The following DOK6 variants were observed in gnomAD, a reference collection of about 807,000 sequenced individuals.
DOK6 encodes docking protein 6.
DOK6 carries 22 observed loss-of-function variants against 44.0 expected under a neutral mutation model. The ratio of observed to expected loss-of-function variants is 0.50; its 90% CI spans 0.36 to 0.71. The LOEUF is 0.71. Among genes scored for constraint, DOK6 ranks in the 30% least tolerant of loss-of-function variants. The pLI is 0.00. For missense variants in DOK6, 340 were observed against 416.4 expected, an observed-to-expected ratio of 0.82 and a Z score of 1.60; for synonymous variants, 166 against 145.5, an observed-to-expected ratio of 1.14 and a Z score of -1.01.
At chr18:69,463,614 G>C (rs1979845691) in intron 1 of DOK6, among the ~76,000 whole-genome samples, 1 of 150,762 alleles carries the variant, frequency 6.6e-6, no homozygotes, top group Non-Finnish European at 1.5e-5. Flanking sequence ...AGTTCTATTG[G>C]CTACAAGACT....
rs1163316483 is a variant in DOK6, at chr18:69,429,246, T to G, written c.66+27936T>G. 2.6e-5 allele frequency among the ~76,000 whole-genome samples: 4 copies of G among 152,126 alleles called. No homozygotes were observed. The East Asian group carries it at 7.7e-4, about 29-fold the overall frequency. On this transcript the variant is annotated intron_variant, in intron 1 of 7. Transcript: ENST00000382713. ...GCATATAAGGAAATTATAAGAGAATTTTAGTAGCATGGACATATTCCTGTG... is the reference window on the plus strand; with the variant it reads ...GCATATAAGGAAATTATAAGAGAATGTTAGTAGCATGGACATATTCCTGTG...
intron 1 of DOK6, among the ~76,000 whole-genome samples, chr18:69,515,786 A>G (rs1281820687): frequency 6.6e-6 from 1 of 152,208 alleles, no homozygotes; most frequent in Non-Finnish European, 1.5e-5. Context: ...TGTAACACTA[A>G]CTTCATAGAA....
intron 5 of DOK6, chr18:69,705,055 C>A (rs541509927): frequency 6.6e-6 from 1 of 152,210 alleles, no homozygotes; most frequent in Non-Finnish European, 1.5e-5. Context: ...GAAGAACGTG[C>A]CAATCCTCTA....
At chr18:69,612,969 C>A (rs947451117) in intron 3 of DOK6, among the ~76,000 whole-genome samples, 1 of 151,806 alleles carries the variant, frequency 6.6e-6, no homozygotes, top group African/African-American at 2.4e-5. Flanking sequence ...GCAGCCTCCA[C>A]CTCCCTGGCT....
intron 1 of DOK6, among the ~76,000 whole-genome samples, chr18:69,546,676 G>C (rs1217134828): frequency 6.6e-6 from 1 of 151,260 alleles, no homozygotes; most frequent in Non-Finnish European, 1.5e-5. Flanking sequence ...CTTTTTTATT[G>C]GTACATAATA....
chr18:69,497,267 C>T (rs1372777), intron 1 of DOK6, among the ~76,000 whole-genome samples: 4 of 151,954 alleles, frequency 2.6e-5, no homozygotes, highest in South Asian at 2.1e-4. Context: ...CAAAGTCATT[C>T]GAACAGCAGT....
chr18:69,554,400 A>T (rs748730878), intron 1 of DOK6, among the ~76,000 whole-genome samples: 1 of 152,172 alleles, frequency 6.6e-6, no homozygotes, highest in Non-Finnish European at 1.5e-5. Flanking sequence ...AGTTTTGGCA[A>T]TTTGAGGAAT....
At chr18:69,729,101 C>T (rs1978330089) in intron 5 of DOK6, among the ~76,000 whole-genome samples, 1 of 152,082 alleles carries the variant, frequency 6.6e-6, no homozygotes, top group Non-Finnish European at 1.5e-5. Context: ...AAATAATATG[C>T]ATATCATATG....
intron 5 of DOK6, among the ~76,000 whole-genome samples, chr18:69,722,781 A>T (rs1397591521): frequency 6.6e-6 from 1 of 152,198 alleles, no homozygotes; most frequent in African/African-American, 2.4e-5. Context: ...TTAAAATATT[A>T]ACAAATAATC....
chr18:69,631,701 G>A (rs183492371), intron 3 of DOK6, among the ~76,000 whole-genome samples: 29 of 152,270 alleles, frequency 1.9e-4, no homozygotes, highest in East Asian at 9.6e-4. Context: ...GTTTGATACC[G>A]TGAATACATG....
intron 3 of DOK6, among the ~76,000 whole-genome samples, chr18:69,644,629 G>T (rs369910885): frequency 6.6e-6 from 1 of 151,654 alleles, no homozygotes; most frequent in Non-Finnish European, 1.5e-5. Flanking sequence ...GTGCCCTGCC[G>T]AGACCACACC....
At chr18:69,608,258 A>G (rs1009521884) in intron 3 of DOK6, among the ~76,000 whole-genome samples, 4 of 152,212 alleles carry the variant, frequency 2.6e-5, no homozygotes, top group Admixed American at 6.5e-5. Flanking sequence ...CTATTTGTTG[A>G]ATAGCTTATT....
At chr18:69,582,676 T>A (rs1599204777) in intron 2 of DOK6, among the ~76,000 whole-genome samples, 1 of 152,244 alleles carries the variant, frequency 6.6e-6, no homozygotes, top group East Asian at 1.9e-4. Flanking sequence ...CCCATTCATC[T>A]TTCCATCTCT....
chr18:69,680,436 T>C (rs1246672763), intron 4 of DOK6, among the ~76,000 whole-genome samples: 1 of 152,258 alleles, frequency 6.6e-6, no homozygotes, highest in Non-Finnish European at 1.5e-5. Context: ...TCCATAACTT[T>C]TGATGATATC....
intron 2 of DOK6, among the ~76,000 whole-genome samples, chr18:69,593,812 T>G (rs1349195524): frequency 1.3e-5 from 2 of 152,218 alleles, no homozygotes; most frequent in Non-Finnish European, 2.9e-5. Flanking sequence ...GATTTATAAA[T>G]GTTTTTATTA....
chr18:69,566,144 T>C lies in DOK6; in HGVS notation c.174+1550T>C, dbSNP rs112425489. 3.8e-3 allele frequency among the ~76,000 whole-genome samples: 543 copies of C among 144,726 alleles called. 2 individuals carry two copies. The highest frequency in any genetic ancestry group is 0.012 in the African/African-American group (475 of 40,044). The allele number at this position is 144,726 out of a possible 152,430, so 94.9% of individuals were successfully genotyped here. On this transcript the variant is annotated intron_variant, in intron 2 of 7. Coordinates refer to ENST00000382713, the MANE Select transcript of DOK6 (RefSeq NM_152721.6). Reference sequence around the variant, plus strand: ...ATTTATTTATTTATTTATTTATTTATTTACTTATTTATAGACGGAGTCTGG... The same window carrying C: ...ATTTATTTATTTATTTATTTATTTACTTACTTATTTATAGACGGAGTCTGG...
chr18:69,812,719 A>G (rs924815932), intron 7 of DOK6, among the ~76,000 whole-genome samples: 2 of 152,190 alleles, frequency 1.3e-5, no homozygotes, highest in African/African-American at 4.8e-5. Context: ...TAATTGACCC[A>G]CAGTTCTGCA....
At chr18:69,413,169 TTC>T (rs1433804907) in intron 1 of DOK6, among the ~76,000 whole-genome samples, 2 of 152,140 alleles carry the variant, frequency 1.3e-5, no homozygotes, top group African/African-American at 4.8e-5. Context: ...AAGTGTCAGC[TTC>T]TGTTGCTTGC....
At chr18:69,483,365 T>C (rs556817762) in intron 1 of DOK6, among the ~76,000 whole-genome samples, 1 of 151,974 alleles carries the variant, frequency 6.6e-6, no homozygotes, top group Non-Finnish European at 1.5e-5. Flanking sequence ...AGGAATGAAC[T>C]CTCATTCACA....
Sources: gnomAD v4.1 joint callset for allele counts (sites outside exome capture counted in the v4.1 genomes callset) on GRCh38, gnomAD v4.1.1 for gene constraint, MANE v1.5 for transcripts, NCBI Gene and HGNC (gene_info 2026-07-23, HGNC 2026-07-21) for gene names.